The following DOP1B variants were observed in gnomAD, a reference collection of about 807,000 sequenced individuals.
DOP1B encodes the protein DOP1 leucine zipper like protein B, also known as protein DOP1B.
DOP1B carries 174 observed loss-of-function variants against 233.5 expected under a neutral mutation model. That is an observed-to-expected ratio of 0.75 (90% CI 0.66 to 0.85). DOP1B has a LOEUF of 0.85. Among genes scored for constraint, DOP1B ranks in the 40% least tolerant of loss-of-function variants. The pLI is 0.00. For synonymous variants in DOP1B, 1,190 were observed against 1,185.6 expected (o/e 1.00, Z -0.08); for missense variants, 2,652 against 2,846.6 (o/e 0.93, Z 1.56).
chr21:36,289,522 T>A (rs970128445), intron 35 of DOP1B, among the ~76,000 whole-genome samples: 1 of 151,594 alleles, frequency 6.6e-6, no homozygotes, highest in African/African-American at 2.4e-5. Context: ...CCACTGGTGC[T>A]CCTCACTGCC....
chr21:36,247,633 A>ATTTT lies in DOP1B; in HGVS notation c.4809+13_4809+16dup. 1 of 1,393,170 alleles carries ATTTT rather than the reference A, an allele frequency of 7.2e-7. No homozygotes were observed. Among genetic ancestry groups the ATTTT allele is most frequent in the South Asian group, 1.3e-5 (1 of 74,138 alleles). The allele number at this position is 1,393,170 out of a possible 1,614,324, so 86.3% of individuals were successfully genotyped here. On this transcript the variant is annotated splice_donor_region_variant and intron_variant, in intron 20 of 36. Transcript: ENST00000691173. ...CAAGCCAACCAAAACAAAAAGGTAA[A>ATTTT]TTTTTTTTTTTCCTGAGTTCAAGGC...
Position 36,245,733 on chromosome 21 carries a change from CA to C in DOP1B, c.3757del (p.Thr1253ProfsTer68). On this transcript the variant is annotated frameshift_variant, in exon 19 of 37. Transcript: ENST00000691173. LOFTEE classifies it high-confidence loss of function. The surrounding 1 kb of genome is among the most constrained non-coding windows in gnomAD (Gnocchi z 5.5). ...YAFSVLEAVLKTNPKEFIEAV... is the reference protein window; with the variant it reads ...YAFSVLEAVLXTNPKEFIEAV... ...CCTTCTCGGTGCTGGAGGCTGTGCT[CA>C]AAACCAACCCTAAGGAATTCATCGA... The C allele has an allele frequency of 1.9e-6, 3 of 1,613,988 alleles. No individual in the cohort carries two copies. Among genetic ancestry groups the C allele is most frequent in the Non-Finnish European group, 2.5e-6 (3 of 1,180,016 alleles).
At chr21:36,235,872 G>C (rs565758339) in intron 15 of DOP1B, among the ~76,000 whole-genome samples, 4 of 147,462 alleles carry the variant, frequency 2.7e-5, no homozygotes, top group Non-Finnish European at 3.0e-5. Flanking sequence ...TCGGGGGGGG[G>C]GCGGTCTACG....
Position 36,208,998 on chromosome 21 carries a change from A to T in DOP1B, c.681+94A>T, listed in dbSNP as rs368393461. On this transcript the variant is annotated intron_variant, in intron 5 of 36. Coordinates refer to ENST00000691173, the MANE Select transcript of DOP1B (RefSeq NM_001320714.2). ...GTTGTCACTGAAGCTGCAAAGGGAC[A>T]TCCAGGAAAGGGAGGTGCACCAAGC... The T allele has an allele frequency of 9.3e-5, 123 of 1,328,618 alleles. No homozygotes were observed. In the African/African-American group the frequency reaches 1.7e-3, roughly 18 times the overall value. 82.3% of individuals were successfully genotyped at this position (1,328,618 alleles called of 1,614,324 possible).
chr21:36,214,156 T>G lies in DOP1B; in HGVS notation c.980T>G (p.Phe327Cys). ...TCTTATGAAGACCAGTCGTCTTATT[T>G]TTTTGAAAAATACTCCAAGGATCTT... ...SNSYEDQSSYFFEKYSKDLLV... is the reference protein window; with the variant it reads ...SNSYEDQSSYCFEKYSKDLLV... The change falls in exon 8 of 37, where the codon TTT becomes TGT. Residue 327 changes from phenylalanine (F) to cysteine (C), a missense_variant. Phe to Cys is a radical substitution (Grantham distance 205). Coordinates refer to ENST00000691173, the MANE Select transcript of DOP1B (RefSeq NM_001320714.2). 1 of 1,613,794 alleles carries G rather than the reference T, an allele frequency of 6.2e-7. No homozygotes were observed. The highest frequency in any genetic ancestry group is 1.3e-5 in the African/African-American group (1 of 75,024).
chr21:36,272,176 C>G (rs2067296338), intron 27 of DOP1B, among the ~76,000 whole-genome samples: 1 of 151,312 alleles, frequency 6.6e-6, no homozygotes, highest in Non-Finnish European at 1.5e-5. Flanking sequence ...TGTTATCTTT[C>G]ATTATTACTT....
intron 18 of DOP1B, among the ~76,000 whole-genome samples, chr21:36,241,186 C>T (rs1298860416): frequency 6.6e-6 from 1 of 151,444 alleles, no homozygotes; most frequent in Non-Finnish European, 1.5e-5. Flanking sequence ...CCCAGCTACT[C>T]GGGAGGCTGA....
chr21:36,198,298 G>A (rs1010257387), intron 2 of DOP1B, among the ~76,000 whole-genome samples: 3 of 151,788 alleles, frequency 2.0e-5, no homozygotes, highest in East Asian at 3.9e-4. Context: ...GCATGGTGGC[G>A]GGCACCTGTA....
At chr21:36,226,496 A>G (rs1347620383) in intron 12 of DOP1B, among the ~76,000 whole-genome samples, 3 of 151,924 alleles carry the variant, frequency 2.0e-5, no homozygotes, top group Admixed American at 1.3e-4. Context: ...ACAGGGTTTC[A>G]CCATATTGGC....
intron 23 of DOP1B, among the ~76,000 whole-genome samples, chr21:36,257,423 T>G (rs748720340): frequency 2.0e-5 from 3 of 152,214 alleles, no homozygotes; most frequent in Admixed American, 1.3e-4. Flanking sequence ...TCTTGGCCTG[T>G]CTGCACAGCA....
intron 27 of DOP1B, among the ~76,000 whole-genome samples, chr21:36,273,431 A>G (rs527510686): frequency 6.6e-6 from 1 of 152,256 alleles, no homozygotes. Flanking sequence ...AGTTTTTTTA[A>G]TGACTAAAAG....
chr21:36,199,348 A>C, intron 3 of DOP1B, 97 bp downstream of exon 3: 2 of 1,463,804 alleles, frequency 1.4e-6, no homozygotes, highest in East Asian at 4.6e-5. Context: ...AAATAAGCGT[A>C]GGGCTGTGTG....
At chr21:36,201,345 C>CTTTTTTTTTTTTTTTTTCTTTTTT (rs2066363991) in intron 4 of DOP1B, among the ~76,000 whole-genome samples, 1 of 83,290 alleles carries the variant, frequency 1.2e-5, no homozygotes, top group Non-Finnish European at 2.2e-5. Context: ...CTATTGGATT[C>CTTTTTTTTTTTTTTTTTCTTTTTT]TTTTTTTTTT....
At chr21:36,174,837 T>C (rs1034376865) in intron 2 of DOP1B, among the ~76,000 whole-genome samples, 2 of 152,168 alleles carry the variant, frequency 1.3e-5, no homozygotes, top group African/African-American at 4.8e-5. Context: ...AATCAACTCC[T>C]CTTCCCTGTT....
At chr21:36,180,458 C>A (rs991590998) in intron 2 of DOP1B, among the ~76,000 whole-genome samples, 35 of 151,768 alleles carry the variant, frequency 2.3e-4, no homozygotes, top group African/African-American at 8.2e-4. Context: ...TTAGTCCTAG[C>A]TACTTGGGAG....
At chr21:36,284,528 C>A (rs2067460644) in intron 32 of DOP1B, among the ~76,000 whole-genome samples, 1 of 152,092 alleles carries the variant, frequency 6.6e-6, no homozygotes, top group Admixed American at 6.6e-5. Context: ...CTCGGCCTCC[C>A]AAAGTGCTGG....
At chr21:36,212,496 G>T (rs2066511401) in intron 7 of DOP1B, among the ~76,000 whole-genome samples, 1 of 152,198 alleles carries the variant, frequency 6.6e-6, no homozygotes, top group Non-Finnish European at 1.5e-5. Flanking sequence ...AGGAGGTTTT[G>T]TGTAAGTGTA....
At chr21:36,251,357 A>G in intron 22 of DOP1B, 73 bp downstream of exon 22, 1 of 1,536,996 alleles carries the variant, frequency 6.5e-7, no homozygotes, top group Non-Finnish European at 8.7e-7. Context: ...ATGTGGAATC[A>G]AAGGTGACAT....
intron 35 of DOP1B, among the ~76,000 whole-genome samples, chr21:36,289,424 GGTGTGTGTGTGTGTGT>G (rs59907412): frequency 0.039 from 5,621 of 144,992 alleles, 133 homozygotes; most frequent in Non-Finnish European, 0.046. Flanking sequence ...GTGTTTCTAT[GGTGTGTGTGTGTGTGT>G]GTGTGTGTGT....
Sources: allele counts gnomAD v4.1 joint callset (sites outside exome capture counted in the v4.1 genomes callset), GRCh38; gene constraint gnomAD v4.1.1; non-coding constraint Gnocchi (gnomAD v3.1); transcripts MANE v1.5; gene names NCBI Gene and HGNC (gene_info 2026-07-23, HGNC 2026-07-21).